The following HDC variants were observed in gnomAD, a reference collection of about 807,000 sequenced individuals.
The protein encoded by HDC is histidine decarboxylase.
A neutral mutation model predicts 64.4 loss-of-function variants in HDC; 27 were observed. The observed-to-expected ratio is 0.42, with a 90% confidence interval of 0.31 to 0.58. HDC has a LOEUF of 0.58. Among genes scored for constraint, HDC ranks in the 20% least tolerant of loss-of-function variants. The pLI is 0.16. For synonymous variants in HDC, 305 were observed against 314.2 expected, an observed-to-expected ratio of 0.97 and a Z score of 0.31; for missense variants, 711 against 833.9, an observed-to-expected ratio of 0.85 and a Z score of 1.81.
chr15:50,261,455 G>A (rs1309267011), intron 2 of HDC, among the ~76,000 whole-genome samples: 2 of 152,118 alleles, frequency 1.3e-5, no homozygotes, highest in South Asian at 2.1e-4. Flanking sequence ...GAAATAGGCT[G>A]AATGGTCAAA....
intron 6 of HDC, 40 bp downstream of exon 6, chr15:50,254,090 A>G (rs201893073): frequency 6.2e-7 from 1 of 1,611,908 alleles, no homozygotes; most frequent in East Asian, 2.2e-5. Flanking sequence ...CTCACATCCA[A>G]GTTCTATCAT....
At chr15:50,261,748 T>G (rs936743765) in intron 2 of HDC, among the ~76,000 whole-genome samples, 6 of 151,580 alleles carry the variant, frequency 4.0e-5, no homozygotes, top group African/African-American at 1.5e-4. Context: ...TCGCTCTTGT[T>G]GCCCAGGCTG....
intron 4 of HDC, among the ~76,000 whole-genome samples, chr15:50,255,446 G>C (rs1447903540): frequency 2.0e-5 from 3 of 152,162 alleles, no homozygotes; most frequent in Non-Finnish European, 4.4e-5. Flanking sequence ...AGATCCCACA[G>C]ATATTAAGTG....
In HDC at chr15:50,252,811, A is replaced by G. The variant is rs768828630; in HGVS notation, c.788-37T>C. On this transcript the variant is annotated intron_variant, in intron 7 of 11. Coordinates refer to ENST00000267845, the MANE Select transcript of HDC (RefSeq NM_002112.4). ...AACATCACCTGGCCGGAGGGGAGGT[A>G]TGAAGTGGGGAAAGATGTCTCGCAC... 8 of 1,586,538 alleles carry G rather than the reference A, an allele frequency of 5.0e-6. No individual in the cohort carries two copies. In the African/African-American group the frequency reaches 8.1e-5, roughly 16 times the overall value.
chr15:50,259,631 T>A lies in HDC; in HGVS notation c.205-1114A>T, dbSNP rs547071249. Among the ~76,000 whole-genome samples the A allele has an allele frequency of 3.9e-5, 6 of 152,252 alleles. No individual in the cohort carries two copies. In the East Asian group the frequency reaches 9.6e-4, roughly 24 times the overall value. On this transcript the variant is annotated intron_variant, in intron 2 of 11. Transcript: ENST00000267845. ...TAGAAAGGCACTCTCTATAAAGACA[T>A]GACCTTCCAAAACCTGCCAGTTCTT...
rs568167549 is a variant in HDC, at chr15:50,247,136, G to A, written c.1140+1109C>T. Reference sequence around the variant, plus strand: ...GGGGGATAAAGAGGTGATAGTTAACGGGCGCAAAAATACAATTAAATAGAT... The same window carrying A: ...GGGGGATAAAGAGGTGATAGTTAACAGGCGCAAAAATACAATTAAATAGAT... On this transcript the variant is annotated intron_variant, in intron 10 of 11. Transcript: ENST00000267845. 7.3e-4 allele frequency among the ~76,000 whole-genome samples: 111 copies of A among 152,096 alleles called. No individual in the cohort carries two copies. The Middle Eastern group carries it at 9.5e-3, about 13-fold the overall frequency.
At chr15:50,247,804 T>C (rs2045502267) in intron 10 of HDC, among the ~76,000 whole-genome samples, 1 of 152,248 alleles carries the variant, frequency 6.6e-6, no homozygotes, top group Admixed American at 6.5e-5. Flanking sequence ...TTGGTAGGTC[T>C]ACCTGTCCAA....
intron 3 of HDC, 60 bp downstream of exon 3, chr15:50,258,344 C>T (rs2140939433): frequency 1.1e-6 from 1 of 906,414 alleles, no homozygotes; most frequent in East Asian, 2.5e-5. Context: ...TATGTCTGCC[C>T]TAGGATACCA....
intron 2 of HDC, among the ~76,000 whole-genome samples, chr15:50,260,120 C>T (rs1302239749): frequency 6.6e-6 from 1 of 151,746 alleles, no homozygotes; most frequent in Non-Finnish European, 1.5e-5. Flanking sequence ...CTCCCAGGTT[C>T]AAGAGATTCT....
At chr15:50,258,587 A>G in intron 2 of HDC, 70 bp from the exon 3 acceptor site, 6 of 873,310 alleles carry the variant, frequency 6.9e-6, no homozygotes, top group South Asian at 1.4e-5. Flanking sequence ...TCCAGAGACC[A>G]TCTCTGGCAA....
At position 50,242,747 on chromosome 15, in the gene HDC, G is replaced by T. The variant is rs758659075; in HGVS notation, c.1502C>A (p.Ala501Asp). The T allele has an allele frequency of 6.2e-7, 1 of 1,613,960 alleles. No homozygotes were observed. The part of the protein sequence containing the change: ...ISQIRGARAW[A>D]CGTSLQSVSG... ...GACAGACTGAAGGGACGTTCCACAG[G>T]CCCAGGCTCTGGCACCCCTGATTTG... The change falls in exon 12 of 12, where the codon GCC becomes GAC. Residue 501 changes from alanine (A) to aspartate (D), a missense_variant. Physicochemically the swap from Ala to Asp is moderately radical, Grantham distance 126. This residue lies in a region of HDC where 483 missense variants were observed against 540.9 expected (regional missense o/e 0.89). Transcript: ENST00000267845.
Position 50,242,865 on chromosome 15 carries a change from T to C in HDC, c.1384A>G (p.Arg462Gly). 1 of 1,614,050 alleles carries C rather than the reference T, an allele frequency of 6.2e-7. No homozygotes were observed. The highest frequency in any genetic ancestry group is 8.5e-7 in the Non-Finnish European group (1 of 1,179,938). ...SQFTTRDDIL[R>G]DWNLIRDAAT... ...GCATCTCGAATGAGATTCCAGTCTC[T>C]CAGGATGTCATCCCTAGTGGTAAAC... is the stretch of plus-strand genomic sequence containing the variant. Residue 462 changes from arginine (R) to glycine (G), a missense_variant, in exon 12 of 12, where the codon AGA becomes GGA. By Grantham distance (125) the Arg-to-Gly change is moderately radical (BLOSUM62 -2). This residue lies in a region of HDC where 483 missense variants were observed against 540.9 expected (regional missense o/e 0.89). Coordinates refer to ENST00000267845, the MANE Select transcript of HDC (RefSeq NM_002112.4).
intron 9 of HDC, among the ~76,000 whole-genome samples, chr15:50,251,472 C>CCA (rs2045553287): frequency 6.6e-6 from 1 of 152,160 alleles, no homozygotes; most frequent in Non-Finnish European, 1.5e-5. Context: ...TCCCAAAGGG[C>CCA]CACTGCTGGA....
rs746937049 is a variant in HDC, at chr15:50,253,686, A to T, written c.721-20T>A. ...ACAGACCTAGGGGAAAATTAAGGCA[A>T]GTTAACACAGGAGGGTGGGCTCGTG... On this transcript the variant is annotated intron_variant, in intron 6 of 11. Coordinates refer to ENST00000267845, the MANE Select transcript of HDC (RefSeq NM_002112.4). The T allele has an allele frequency of 2.5e-6, 4 of 1,607,968 alleles. No homozygotes were observed. In the South Asian group the frequency reaches 4.4e-5, roughly 18 times the overall value.
chr15:50,257,395 A>G lies in HDC; in HGVS notation c.441+30T>C, dbSNP rs28707431. On this transcript the variant is annotated intron_variant, in intron 4 of 11. Coordinates refer to ENST00000267845, the MANE Select transcript of HDC (RefSeq NM_002112.4). ...CTTGTCTTTCGCTACTTAGCCCCCA[A>G]GCTAGGTGAAGCTTTGCCAAGGGAG... 3.7e-6 allele frequency: 6 copies of G among 1,613,920 alleles called. No individual in the cohort carries two copies. The Admixed American group carries it at 8.3e-5, about 22-fold the overall frequency.
At chr15:50,252,843 A>G in intron 7 of HDC, 69 bp from the exon 8 acceptor site, 1 of 1,483,182 alleles carries the variant, frequency 6.7e-7, no homozygotes, top group South Asian at 1.2e-5. Context: ...GCACCTGGCC[A>G]AGCTGAGTGG....
At chr15:50,259,023 G>A (rs905572631) in intron 2 of HDC, among the ~76,000 whole-genome samples, 7 of 152,134 alleles carry the variant, frequency 4.6e-5, no homozygotes, top group Middle Eastern at 3.4e-3. Flanking sequence ...TTAGCCAGGC[G>A]GGGTGGCAGA....
chr15:50,247,942 TTC>T (rs1309941039), intron 10 of HDC, among the ~76,000 whole-genome samples: 6 of 147,308 alleles, frequency 4.1e-5, no homozygotes, highest in Middle Eastern at 3.5e-3. Flanking sequence ...TTGATTTACT[TTC>T]TCTTTCTCTT....
chr15:50,253,525 G>A lies in HDC; in HGVS notation c.787+75C>T, dbSNP rs565458959. 4.7e-5 allele frequency: 61 copies of A among 1,302,266 alleles called. No homozygotes were observed. The African/African-American group carries it at 8.3e-4, about 18-fold the overall frequency. The allele number at this position is 1,302,266 out of a possible 1,614,324, so 80.7% of individuals were successfully genotyped here. ...GAACAAGAATAATCCCATAGAGCTGGTTTCAGGTCCTTGCTTTAGGAGACA... is the reference window on the plus strand; with the variant it reads ...GAACAAGAATAATCCCATAGAGCTGATTTCAGGTCCTTGCTTTAGGAGACA... On this transcript the variant is annotated intron_variant, in intron 7 of 11. Coordinates refer to ENST00000267845, the MANE Select transcript of HDC (RefSeq NM_002112.4).
Sources: gnomAD v4.1 joint callset for allele counts (sites outside exome capture counted in the v4.1 genomes callset) on GRCh38, gnomAD v4.1.1 for gene constraint, gnomAD v4.1.1 regional missense constraint, MANE v1.5 for transcripts, NCBI Gene and HGNC (gene_info 2026-07-23, HGNC 2026-07-21) for gene names.